The following RUFY3 variants were observed in gnomAD, a reference collection of about 807,000 sequenced individuals.
RUFY3 encodes the protein RUN and FYVE domain containing 3, also known as protein RUFY3.
RUFY3 carries 34 observed loss-of-function variants against 84.0 expected under a neutral mutation model. That is an observed-to-expected ratio of 0.40 (90% CI 0.31 to 0.54). RUFY3 has a LOEUF of 0.54. Ranked by LOEUF, RUFY3 falls within the 20% of genes least tolerant of loss-of-function variation. The pLI is 0.39. For synonymous variants in RUFY3, 242 were observed against 252.9 expected, an observed-to-expected ratio of 0.96 and a Z score of 0.41; for missense variants, 507 against 736.8, an observed-to-expected ratio of 0.69 and a Z score of 3.61.
At position 70,793,782 on chromosome 4, in the gene RUFY3, C is replaced by T; in HGVS notation, c.1338-3C>T. 6.2e-7 allele frequency: 1 copy of T among 1,613,930 alleles called. No homozygotes were observed. Among genetic ancestry groups the T allele is most frequent in the Non-Finnish European group, 8.5e-7 (1 of 1,179,940 alleles). ...ATCACAAGTTCATGTGGCTCACATC[C>T]AGATTGCGCCAGGCTGAGCGAAGCC... is the stretch of plus-strand genomic sequence containing the variant. On this transcript the variant is annotated splice_region_variant and splice_polypyrimidine_tract_variant and intron_variant, in intron 12 of 17. Coordinates refer to ENST00000381006, the MANE Select transcript of RUFY3 (RefSeq NM_001037442.4).
At chr4:70,765,209 G>GTGTATATATATATATATA (rs144995233) in intron 4 of RUFY3, among the ~76,000 whole-genome samples, 2 of 137,208 alleles carry the variant, frequency 1.5e-5, no homozygotes, top group Non-Finnish European at 3.1e-5. Flanking sequence ...AAAAAAATGT[G>GTGTATATATATATATATA]TATATATATA....
chr4:70,789,730 G>C, intron 12 of RUFY3, 138 bp downstream of exon 12: 2 of 1,338,890 alleles, frequency 1.5e-6, no homozygotes, highest in Non-Finnish European at 1.9e-6. Context: ...AAAAAAGCCA[G>C]TTGAATGTTA....
chr4:70,738,713 C>T (rs1340859982), intron 1 of RUFY3, among the ~76,000 whole-genome samples: 1 of 151,374 alleles, frequency 6.6e-6, no homozygotes, highest in East Asian at 1.9e-4. Flanking sequence ...TTTTGCTCAC[C>T]ATAAATGCTC....
intron 1 of RUFY3, among the ~76,000 whole-genome samples, chr4:70,725,333 CTT>C (rs113127589): frequency 1.2e-4 from 17 of 143,856 alleles, no homozygotes; most frequent in South Asian, 2.2e-4. Context: ...CTTATATACT[CTT>C]TTTTTTTTTT....
intron 8 of RUFY3, among the ~76,000 whole-genome samples, chr4:70,778,727 A>C (rs1000414131): frequency 2.6e-5 from 4 of 151,624 alleles, no homozygotes; most frequent in African/African-American, 9.7e-5. Flanking sequence ...TTACAGGCAT[A>C]CACCACCACC....
chr4:70,788,711 C>T (rs113090024), intron 10 of RUFY3, 95 bp from the exon 11 acceptor site: 3 of 1,404,500 alleles, frequency 2.1e-6, no homozygotes, highest in African/African-American at 1.4e-5. Context: ...ATATTCAGAC[C>T]TGAGAGTTTT....
intron 1 of RUFY3, among the ~76,000 whole-genome samples, chr4:70,737,354 A>C (rs905113210): frequency 1.3e-5 from 2 of 151,498 alleles, no homozygotes; most frequent in Admixed American, 6.6e-5. Context: ...TTTGGGATGA[A>C]AAAGCTGCAT....
intron 7 of RUFY3, among the ~76,000 whole-genome samples, chr4:70,777,359 TTGTTA>T (rs1728140356): frequency 6.6e-6 from 1 of 152,254 alleles, no homozygotes. Context: ...TTTGATGTTC[TTGTTA>T]TGTTAAGACT....
chr4:70,774,670 T>TATATAAAA (rs766227141), intron 6 of RUFY3, among the ~76,000 whole-genome samples: 6 of 81,078 alleles, frequency 7.4e-5, no homozygotes, highest in African/African-American at 3.1e-4. Context: ...TATATATATA[T>TATATAAAA]AAAATAAACA....
rs141283514 is a variant in RUFY3, at chr4:70,793,143, C to A, written c.1338-642C>A. On this transcript the variant is annotated intron_variant, in intron 12 of 17. Transcript: ENST00000381006. ...GAATATGGTCAGAGTCTTAAACAGGCCCAGTGCTGAGTTCTTTGTCCACTT... is the reference window on the plus strand; with the variant it reads ...GAATATGGTCAGAGTCTTAAACAGGACCAGTGCTGAGTTCTTTGTCCACTT... The A allele has an allele frequency of 6.6e-5, 65 of 985,636 alleles. No homozygotes were observed. The African/African-American group carries it at 1.0e-3, about 16-fold the overall frequency. 61.1% of individuals were successfully genotyped at this position (985,636 alleles called of 1,614,324 possible).
chr4:70,766,369 C>T (rs113210198), intron 4 of RUFY3, among the ~76,000 whole-genome samples: 3,136 of 151,902 alleles, frequency 0.021, 116 homozygotes, highest in East Asian at 0.16. Context: ...CTCAGCCTCC[C>T]GAGTAGATGG....
At chr4:70,726,911 C>T (rs1235796149) in intron 1 of RUFY3, among the ~76,000 whole-genome samples, 1 of 152,074 alleles carries the variant, frequency 6.6e-6, no homozygotes, top group Admixed American at 6.6e-5. Context: ...AGAGGAGCAG[C>T]CTTGTTTATA....
At chr4:70,718,607 GAGAAAAAAAATCA>G (rs1476894683), upstream of RUFY3, among the ~76,000 whole-genome samples, 1 of 151,840 alleles carries the variant, frequency 6.6e-6, no homozygotes, top group African/African-American at 2.4e-5. Flanking sequence ...CTCTGTATGT[GAGAAAAAAAATCA>G]AGGTTTGAAT....
At position 70,807,199 on chromosome 4, in the gene RUFY3, G is replaced by T. The variant is rs1732933122; in HGVS notation, c.*540G>T. 1 of 152,038 alleles carries T rather than the reference G, an allele frequency of 6.6e-6. No homozygotes were observed. The highest frequency in any genetic ancestry group is 1.5e-5 in the Non-Finnish European group (1 of 68,014). 9.4% of individuals were successfully genotyped at this position (152,038 alleles called of 1,614,324 possible). A position where few individuals can be genotyped will look rare whatever the true frequency, so the allele number is the denominator to read the frequency against. ...ACTGTGAACCCAATCTCAGGGAAAA[G>T]AAATTAAAAAGTAATATAAATTCTG... On this transcript the variant is annotated 3_prime_UTR_variant, in exon 18 of 18. Coordinates refer to ENST00000381006, the MANE Select transcript of RUFY3 (RefSeq NM_001037442.4).
chr4:70,775,369 G>A (rs1057432844), intron 7 of RUFY3, 136 bp downstream of exon 7: 10 of 509,232 alleles, frequency 2.0e-5, no homozygotes, highest in Non-Finnish European at 3.1e-5. Flanking sequence ...CAGGCACTGA[G>A]TTAGGCACTA....
intron 9 of RUFY3, 127 bp downstream of exon 9, chr4:70,783,310 A>G (rs1023720901): frequency 2.1e-5 from 13 of 633,652 alleles, no homozygotes; most frequent in Middle Eastern, 3.5e-4. Flanking sequence ...TTTAGACTCC[A>G]TGCATAATTG....
intron 1 of RUFY3, among the ~76,000 whole-genome samples, chr4:70,755,765 C>T (rs1268864074): frequency 1.4e-4 from 22 of 152,022 alleles, no homozygotes. Flanking sequence ...TCCTGGCTAA[C>T]ACAGTGAAAC....
At chr4:70,734,437 T>G (rs1719946192) in intron 1 of RUFY3, 2 of 985,386 alleles carry the variant, frequency 2.0e-6, no homozygotes, top group Non-Finnish European at 2.4e-6. Context: ...GAGCTGTGAT[T>G]ATGTGTTCAG....
chr4:70,705,320 G>T, intron 1 of RUFY3: 2 of 1,335,740 alleles, frequency 1.5e-6, no homozygotes, highest in Non-Finnish European at 1.9e-6. Context: ...GCATGGGGAC[G>T]CCCGCGGGGA....
Sources: allele counts gnomAD v4.1 joint callset (sites outside exome capture counted in the v4.1 genomes callset), GRCh38; gene constraint gnomAD v4.1.1; transcripts MANE v1.5; gene names NCBI Gene and HGNC (gene_info 2026-07-23, HGNC 2026-07-21).